The following RBMS2 variants were observed in gnomAD, a reference collection of about 807,000 sequenced individuals.
RBMS2 encodes RNA-binding motif, single-stranded-interacting protein 2.
A neutral mutation model predicts 58.4 loss-of-function variants in RBMS2; 38 were observed. The observed-to-expected ratio is 0.65, with a 90% CI of 0.50 to 0.85. The LOEUF is 0.85. Ranked by LOEUF, RBMS2 falls within the 40% of genes least tolerant of loss-of-function variation. The pLI is 0.00. For synonymous variants in RBMS2, 151 were observed against 180.7 expected (o/e 0.84, Z 1.32); for missense variants, 367 against 503.7 (o/e 0.73, Z 2.60).
intron 12 of RBMS2, chr12:56,588,640 T>C: frequency 1.7e-6 from 1 of 584,076 alleles, no homozygotes; most frequent in Non-Finnish European, 3.0e-6. Flanking sequence ...CAACAGCAGA[T>C]GTAGGAAAGA....
intron 5 of RBMS2, among the ~76,000 whole-genome samples, chr12:56,577,535 T>C (rs1008179061): frequency 2.0e-5 from 3 of 151,282 alleles, no homozygotes; most frequent in Non-Finnish European, 4.4e-5. Flanking sequence ...AGTGCATTGG[T>C]ACGATCCTGG....
At chr12:56,577,945 C>G (rs1287202113) in intron 5 of RBMS2, among the ~76,000 whole-genome samples, 11 of 151,744 alleles carry the variant, frequency 7.2e-5, no homozygotes, top group Admixed American at 2.6e-4. Context: ...GCCTCGGCCT[C>G]CCAGAGTGCT....
rs774370804 is a variant in RBMS2 at position 56,569,011 on chromosome 12, C to T, written c.270C>T (p.Asp90=). 6.4e-5 allele frequency: 103 copies of T among 1,613,184 alleles called. No homozygotes were observed. The East Asian group carries it at 2.1e-3, about 32-fold the overall frequency. Residue 90 remains aspartate (D), a synonymous_variant, in exon 3 of 14, where the codon GAC becomes GAT. Transcript: ENST00000262031. Reference sequence around the variant, plus strand: ...TTGTTTCCACTAAGGCCATACTGGACAAGACCACAAACAAATGTAAAGGTG... The same window carrying T: ...TTGTTTCCACTAAGGCCATACTGGATAAGACCACAAACAAATGTAAAGGTG... ...GKIVSTKAIL[D]KTTNKCKGYG...
intron 2 of RBMS2, among the ~76,000 whole-genome samples, chr12:56,567,757 G>GGAGTTCGA (rs889466237): frequency 1.1e-4 from 17 of 151,964 alleles, no homozygotes; most frequent in Non-Finnish European, 2.2e-4. Flanking sequence ...CTTGAGCCCA[G>GGAGTTCGA]GAGTTCGAGG....
intron 1 of RBMS2, among the ~76,000 whole-genome samples, chr12:56,551,715 T>C (rs1878301679): frequency 6.6e-6 from 1 of 152,174 alleles, no homozygotes; most frequent in Non-Finnish European, 1.5e-5. Context: ...ACTTGCAGAA[T>C]TTGAGATTAC....
rs573592977 is a variant in RBMS2, at chr12:56,579,610, G to T, written c.543-1574G>T. Reference sequence around the variant, plus strand: ...GATCGCGCCACTGCACTCCAGCCTGGGCGACAGAGCAAGACTCAGTCTCAA... The same window carrying T: ...GATCGCGCCACTGCACTCCAGCCTGTGCGACAGAGCAAGACTCAGTCTCAA... On this transcript the variant is annotated intron_variant, in intron 5 of 13. Transcript: ENST00000262031. Among the ~76,000 whole-genome samples, 11 of 151,208 alleles carry T rather than the reference G, an allele frequency of 7.3e-5. No individual in the cohort carries two copies. In the East Asian group the frequency reaches 2.1e-3, roughly 29 times the overall value.
At chr12:56,575,107 C>T (rs1882915684) in intron 5 of RBMS2, among the ~76,000 whole-genome samples, 2 of 151,854 alleles carry the variant, frequency 1.3e-5, no homozygotes, top group Admixed American at 1.3e-4. Flanking sequence ...CCAGATTGCA[C>T]CAAGGCGCTT....
At chr12:56,588,438 GAT>G in intron 12 of RBMS2, 64 bp downstream of exon 12, 1 of 1,405,272 alleles carries the variant, frequency 7.1e-7, no homozygotes. Context: ...GTTTCCCCCT[GAT>G]CAAGATCTTT....
Position 56,589,285 on chromosome 12 carries a change from C to T in RBMS2, c.*152C>T, listed in dbSNP as rs1404054527. On this transcript the variant is annotated 3_prime_UTR_variant, in exon 14 of 14. Coordinates refer to ENST00000262031, the MANE Select transcript of RBMS2 (RefSeq NM_002898.4). Reference sequence around the variant, plus strand: ...AGCCATCGTTTTTCACAGGCCTGGGCCTGGAAAAAGAAATCTCTACGTTCC... The same window carrying T: ...AGCCATCGTTTTTCACAGGCCTGGGTCTGGAAAAAGAAATCTCTACGTTCC... The T allele has an allele frequency of 1.4e-6, 2 of 1,407,016 alleles. No individual in the cohort carries two copies. Among genetic ancestry groups the T allele is most frequent in the African/African-American group, 1.4e-5 (1 of 69,420 alleles). 87.2% of individuals were successfully genotyped at this position (1,407,016 alleles called of 1,614,324 possible).
At chr12:56,576,055 A>C (rs1472889481) in intron 5 of RBMS2, among the ~76,000 whole-genome samples, 1 of 151,292 alleles carries the variant, frequency 6.6e-6, no homozygotes, top group Non-Finnish European at 1.5e-5. Context: ...ATTAAATTTC[A>C]GGCTGGGCTC....
At position 56,593,600 on chromosome 12, in the gene RBMS2, G is replaced by A; in HGVS notation, c.*4467G>A. ...CTCGCTCTGTCGCCCAGGCTGGAGT[G>A]CAGTGGCGTGATCTTGGCTCACTGA... On this transcript the variant is annotated 3_prime_UTR_variant, in exon 14 of 14. Coordinates refer to ENST00000262031, the MANE Select transcript of RBMS2 (RefSeq NM_002898.4). 1 of 152,568 alleles carries A rather than the reference G, an allele frequency of 6.6e-6. No homozygotes were observed. The highest frequency in any genetic ancestry group is 1.5e-5 in the Non-Finnish European group (1 of 68,308). The allele number at this position is 152,568 out of a possible 1,614,324, so 9.5% of individuals were successfully genotyped here.
At chr12:56,566,285 G>T (rs1881328139) in intron 2 of RBMS2, among the ~76,000 whole-genome samples, 2 of 151,994 alleles carry the variant, frequency 1.3e-5, no homozygotes, top group South Asian at 4.1e-4. Flanking sequence ...GCTTGTTTGG[G>T]GTATTATTCT....
intron 1 of RBMS2, among the ~76,000 whole-genome samples, chr12:56,554,039 G>C (rs1878796515): frequency 1.3e-5 from 2 of 152,016 alleles, no homozygotes; most frequent in Admixed American, 1.3e-4. Context: ...TGGCCAGGCT[G>C]GTCTTGAACT....
chr12:56,559,918 G>A (rs1274256682), intron 1 of RBMS2, among the ~76,000 whole-genome samples: 3 of 136,590 alleles, frequency 2.2e-5, no homozygotes, highest in Non-Finnish European at 3.1e-5. Flanking sequence ...TTTTTGAGAC[G>A]GAGTCGCCCT....
chr12:56,536,717 G>A (rs776466812), intron 1 of RBMS2, among the ~76,000 whole-genome samples: 8 of 151,314 alleles, frequency 5.3e-5, no homozygotes, highest in Non-Finnish European at 1.0e-4. Context: ...ACAGGCGTTT[G>A]CCACCATGCC....
intron 11 of RBMS2, 50 bp from the exon 12 acceptor site, chr12:56,588,244 A>G (rs1411480999): frequency 1.3e-6 from 2 of 1,486,182 alleles, no homozygotes; most frequent in Non-Finnish European, 1.9e-6. Flanking sequence ...AGCTGCTTCA[A>G]ATGTAGCCAA....
intron 1 of RBMS2, among the ~76,000 whole-genome samples, chr12:56,561,673 A>AT (rs113897566): frequency 0.045 from 5,846 of 129,728 alleles, 325 homozygotes; most frequent in African/African-American, 0.14. Context: ...CACCTGGCTA[A>AT]TTTTTTTTTT....
At chr12:56,553,334 T>C (rs1375368264) in intron 1 of RBMS2, among the ~76,000 whole-genome samples, 2 of 151,806 alleles carry the variant, frequency 1.3e-5, no homozygotes, top group Non-Finnish European at 2.9e-5. Context: ...GTATTTCTTT[T>C]TTTGTGTGTG....
chr12:56,578,688 G>GGTGT (rs1159320388), intron 5 of RBMS2, among the ~76,000 whole-genome samples: 7 of 152,174 alleles, frequency 4.6e-5, no homozygotes, highest in Admixed American at 4.6e-4. Context: ...CTTCTGGCCA[G>GGTGT]GTGTGGTGGC....
Sources: allele counts gnomAD v4.1 joint callset (sites outside exome capture counted in the v4.1 genomes callset), GRCh38; gene constraint gnomAD v4.1.1; transcripts MANE v1.5; gene names NCBI Gene and HGNC (gene_info 2026-07-23, HGNC 2026-07-21).